PDE5A: variants seen among roughly 807,000 people sequenced by gnomAD.
PDE5A encodes cGMP-specific 3',5'-cyclic phosphodiesterase.
In PDE5A, 67 loss-of-function variants were observed where a neutral mutation model predicts 110.2. That is an observed-to-expected ratio of 0.61 (90% CI 0.50 to 0.75). PDE5A has a LOEUF of 0.75. PDE5A is among the 30% of genes least tolerant of loss of function. The probability of loss-of-function intolerance (pLI) is 0.00; values close to 1 mark genes in which losing one functional copy is unlikely to be tolerated. For synonymous variants in PDE5A, 328 were observed against 351.2 expected (o/e 0.93, Z 0.74); for missense variants, 862 against 1,045.1 (o/e 0.82, Z 2.42).
intron 1 of PDE5A, among the ~76,000 whole-genome samples, chr4:119,611,030 C>T (rs757389754): frequency 6.6e-6 from 1 of 152,172 alleles, no homozygotes; most frequent in African/African-American, 2.4e-5. Context: ...AGGTTCCTCT[C>T]GCCCATGCCA....
At position 119,606,657 on chromosome 4, in the gene PDE5A, A is replaced by G. The variant is rs375328448; in HGVS notation, c.741+52T>C. On this transcript the variant is annotated intron_variant, in intron 2 of 20. Coordinates refer to ENST00000354960, the MANE Select transcript of PDE5A (RefSeq NM_001083.4). ...ATGCCCCAGCCATAGTACCCGCCCC[A>G]GCCATAGTCCCCTCCCCAGCACTGG... 24 of 1,340,542 alleles carry G rather than the reference A, an allele frequency of 1.8e-5. No homozygotes were observed. The African/African-American group carries it at 2.0e-4, about 11-fold the overall frequency. 83.0% of individuals were successfully genotyped at this position (1,340,542 alleles called of 1,614,324 possible). A position where few individuals can be genotyped will look rare whatever the true frequency, so the allele number is the denominator to read the frequency against.
intron 15 of PDE5A, among the ~76,000 whole-genome samples, chr4:119,510,061 G>A (rs554024122): frequency 1.4e-4 from 20 of 139,942 alleles, no homozygotes; most frequent in African/African-American, 5.1e-4. Context: ...GGGGAGAGAG[G>A]AAGGAGTTAG....
intron 1 of PDE5A, among the ~76,000 whole-genome samples, chr4:119,610,283 A>G (rs1299457664): frequency 1.3e-5 from 2 of 152,222 alleles, no homozygotes; most frequent in South Asian, 4.1e-4. Context: ...AATGCATGTG[A>G]AGCTGCCAAC....
chr4:119,608,457 T>C (rs192384772), intron 1 of PDE5A, among the ~76,000 whole-genome samples: 5 of 152,324 alleles, frequency 3.3e-5, no homozygotes, highest in Admixed American at 3.3e-4. Context: ...CTAGACATTT[T>C]TGGAACTCTT....
At position 119,628,746 on chromosome 4, in the gene PDE5A, C is replaced by A. The variant is rs1730456393; in HGVS notation, c.-75G>T. 1.3e-6 allele frequency: 2 copies of A among 1,575,038 alleles called. No homozygotes were observed. The highest frequency in any genetic ancestry group is 1.7e-6 in the Non-Finnish European group (2 of 1,165,582). ...AGCTGGGGTCCGTCCCTCAGAAGAACAGGACTCGGCCTCGAGACCCTCCCC... is the reference window on the plus strand; with the variant it reads ...AGCTGGGGTCCGTCCCTCAGAAGAAAAGGACTCGGCCTCGAGACCCTCCCC... On this transcript the variant is annotated 5_prime_UTR_variant, in exon 1 of 21. Transcript: ENST00000354960.
In PDE5A at chr4:119,573,888, C is replaced by T. The variant is rs139882834; in HGVS notation, c.832-6744G>A. 4.6e-5 allele frequency among the ~76,000 whole-genome samples: 7 copies of T among 152,044 alleles called. No individual in the cohort carries two copies. The East Asian group carries it at 1.2e-3, about 25-fold the overall frequency. Reference sequence around the variant, plus strand: ...TAATACAGTTAAGAAATCTCCTCCTCGCTAAAACCAGAAAAATTCAAATGC... The same window carrying T: ...TAATACAGTTAAGAAATCTCCTCCTTGCTAAAACCAGAAAAATTCAAATGC... On this transcript the variant is annotated intron_variant, in intron 3 of 20. Coordinates refer to ENST00000354960, the MANE Select transcript of PDE5A (RefSeq NM_001083.4).
chr4:119,561,863 C>T (rs1213134024), intron 6 of PDE5A, among the ~76,000 whole-genome samples: 2 of 152,146 alleles, frequency 1.3e-5, no homozygotes, highest in African/African-American at 4.8e-5. Flanking sequence ...TTGGGTCATA[C>T]AGTATAGTCC....
chr4:119,622,006 TA>T (rs1352171802), intron 1 of PDE5A, among the ~76,000 whole-genome samples: 3 of 149,888 alleles, frequency 2.0e-5, no homozygotes, highest in Admixed American at 6.7e-5. Context: ...CCATCTCCAA[TA>T]AAAAAAAATA....
At chr4:119,515,597 A>C (rs906109332) in intron 14 of PDE5A, among the ~76,000 whole-genome samples, 8 of 152,170 alleles carry the variant, frequency 5.3e-5, no homozygotes, top group Admixed American at 5.2e-4. Context: ...CTCTCAGTGC[A>C]CACATATACA....
At chr4:119,523,045 G>A (rs772977457) in intron 12 of PDE5A, among the ~76,000 whole-genome samples, 5 of 151,976 alleles carry the variant, frequency 3.3e-5, no homozygotes, top group Admixed American at 6.6e-5. Flanking sequence ...AAGGAAATAA[G>A]TAAATAAACA....
intron 20 of PDE5A, chr4:119,500,315 C>G (rs1416885211): frequency 6.7e-6 from 1 of 149,590 alleles, no homozygotes; most frequent in Non-Finnish European, 1.5e-5. Context: ...CTTCCTTTCC[C>G]TGTCAGCCAC....
intron 11 of PDE5A, among the ~76,000 whole-genome samples, chr4:119,528,402 A>T (rs1449981649): frequency 6.6e-6 from 1 of 151,902 alleles, no homozygotes; most frequent in East Asian, 1.9e-4. Context: ...TTTTGCAGTG[A>T]CCTTAAAACT....
At chr4:119,566,990 C>G (rs538397382) in intron 4 of PDE5A, 83 bp downstream of exon 4, 10 of 911,328 alleles carry the variant, frequency 1.1e-5, no homozygotes, top group Admixed American at 1.0e-4. Flanking sequence ...ACAATTTCAG[C>G]AACAGCTAAA....
chr4:119,519,515 G>C, intron 13 of PDE5A: 1 of 170,418 alleles, frequency 5.9e-6, no homozygotes, highest in Non-Finnish European at 1.2e-5. Context: ...GCTATCAGTT[G>C]CTGTGTCCTT....
chr4:119,618,191 G>A (rs755072302), intron 1 of PDE5A, among the ~76,000 whole-genome samples: 3 of 152,110 alleles, frequency 2.0e-5, no homozygotes, highest in Non-Finnish European at 2.9e-5. Context: ...CATGATAAAA[G>A]TAAAGGAAAT....
intron 14 of PDE5A, among the ~76,000 whole-genome samples, chr4:119,517,564 T>C (rs951478143): frequency 1.3e-5 from 2 of 151,440 alleles, no homozygotes; most frequent in Non-Finnish European, 2.9e-5. Flanking sequence ...GATTCTGCAG[T>C]CAATGACTTT....
At chr4:119,524,721 G>A (rs1267973323) in intron 12 of PDE5A, among the ~76,000 whole-genome samples, 1 of 152,048 alleles carries the variant, frequency 6.6e-6, no homozygotes, top group Non-Finnish European at 1.5e-5. Context: ...ATCTGTACAA[G>A]GAGACTAGAC....
intron 1 of PDE5A, among the ~76,000 whole-genome samples, chr4:119,618,581 T>C (rs1301876047): frequency 2.0e-5 from 3 of 152,082 alleles, no homozygotes; most frequent in Non-Finnish European, 2.9e-5. Context: ...AAAAAATAAA[T>C]GCAAGAATAT....
At position 119,550,768 on chromosome 4, in the gene PDE5A, CT is replaced by C. The variant is rs774675923; in HGVS notation, c.1396+1781del. 1.4e-3 allele frequency among the ~76,000 whole-genome samples: 212 copies of C among 152,250 alleles called. 2 individuals carry two copies. The highest frequency in any genetic ancestry group is 2.4e-3 in the Non-Finnish European group (165 of 68,032). On this transcript the variant is annotated intron_variant, in intron 9 of 20. Coordinates refer to ENST00000354960, the MANE Select transcript of PDE5A (RefSeq NM_001083.4). ...TCACATTTTCAAAGGCCAAAGACAG[CT>C]TGTAGTAAATCTTTATACTTATAAA...
Sources: gnomAD v4.1 joint callset for allele counts (sites outside exome capture counted in the v4.1 genomes callset) on GRCh38, gnomAD v4.1.1 for gene constraint, MANE v1.5 for transcripts, NCBI Gene and HGNC (gene_info 2026-07-23, HGNC 2026-07-21) for gene names.